SNAP91: variants seen among roughly 807,000 people sequenced by gnomAD.
SNAP91 encodes the protein synaptosome associated protein 91, also known as clathrin coat assembly protein AP180.
Under a neutral mutation model 100.3 loss-of-function variants are expected in SNAP91, and 27 were observed. The observed-to-expected ratio is 0.27, with a 90% CI of 0.20 to 0.37. SNAP91 has a LOEUF of 0.37. Among genes scored for constraint, SNAP91 ranks in the 10% least tolerant of loss-of-function variants. The pLI is 1.00. For missense variants in SNAP91, 986 were observed against 1,123.7 expected (o/e 0.88, Z 1.75); for synonymous variants, 404 against 398.6 (o/e 1.01, Z -0.16).
At chr6:83,664,842 A>G (rs556523154) in intron 3 of SNAP91, among the ~76,000 whole-genome samples, 3 of 152,248 alleles carry the variant, frequency 2.0e-5, no homozygotes, top group South Asian at 2.1e-4. Flanking sequence ...TAAAAGGAAG[A>G]GTCAATTGAT....
chr6:83,593,464 T>C lies in SNAP91; in HGVS notation c.1696+14A>G, dbSNP rs1402291941. The stretch of plus-strand genomic sequence containing the variant: ...CTAGACGGAAAGAGGTCGACAACAA[T>C]AACAAAAAATTACCACCAAAGATAT... On this transcript the variant is annotated intron_variant, in intron 18 of 29. Coordinates refer to ENST00000369694, the MANE Select transcript of SNAP91 (RefSeq NM_001242792.2). The C allele has an allele frequency of 1.3e-6, 2 of 1,548,456 alleles. No individual in the cohort carries two copies. The highest frequency in any genetic ancestry group is 2.4e-5 in the South Asian group (2 of 83,986).
intron 9 of SNAP91, among the ~76,000 whole-genome samples, chr6:83,618,550 C>A (rs944893719): frequency 6.6e-6 from 1 of 151,354 alleles, no homozygotes; most frequent in Non-Finnish European, 1.5e-5. Context: ...GTTATAGATA[C>A]CAGATTATAA....
At chr6:83,619,649 G>A (rs896357085) in intron 9 of SNAP91, among the ~76,000 whole-genome samples, 2 of 152,106 alleles carry the variant, frequency 1.3e-5, no homozygotes, top group Non-Finnish European at 2.9e-5. Flanking sequence ...TCTTTAAAAG[G>A]AGACCCTTCT....
intron 2 of SNAP91, among the ~76,000 whole-genome samples, chr6:83,705,295 A>AT (rs1254849926): frequency 6.6e-6 from 1 of 152,100 alleles, no homozygotes; most frequent in Non-Finnish European, 1.5e-5. Context: ...TTTTCATTCA[A>AT]TTTTTTCATG....
intron 2 of SNAP91, among the ~76,000 whole-genome samples, chr6:83,702,979 G>A (rs2099332457): frequency 6.6e-6 from 1 of 151,966 alleles, no homozygotes. Context: ...GAGCATCTTC[G>A]AGAATGTCAC....
intron 12 of SNAP91, among the ~76,000 whole-genome samples, chr6:83,609,782 C>A (rs2128301148): frequency 1.3e-5 from 2 of 152,206 alleles, no homozygotes; most frequent in East Asian, 3.9e-4. Flanking sequence ...TGGAAAGACA[C>A]CCAATTACAA....
Position 83,659,103 on chromosome 6 carries a change from A to G in SNAP91, c.453-11T>C, listed in dbSNP as rs757188551. The stretch of plus-strand genomic sequence containing the variant: ...ATTACACCATCGGCCCTACAATTAA[A>G]AAAAAAAAAAAGGTACAATTTCATT... On this transcript the variant is annotated splice_polypyrimidine_tract_variant and intron_variant, in intron 5 of 29. Transcript: ENST00000369694. 7.3e-6 allele frequency: 10 copies of G among 1,379,002 alleles called. No homozygotes were observed. In the South Asian group the frequency reaches 1.3e-4, roughly 18 times the overall value. 85.4% of individuals were successfully genotyped at this position (1,379,002 alleles called of 1,614,324 possible).
Position 83,601,658 on chromosome 6 carries a change from C to A in SNAP91, c.1142-59G>T. On this transcript the variant is annotated intron_variant, in intron 14 of 29. Transcript: ENST00000369694. ...AAATAAGAGCTAAAGTTGAAACATG[C>A]AACCATACCAATGTCCAAGCCAGAT... 5.2e-6 allele frequency: 8 copies of A among 1,530,040 alleles called. No individual in the cohort carries two copies. In the South Asian group the frequency reaches 9.0e-5, roughly 17 times the overall value. 94.8% of individuals were successfully genotyped at this position (1,530,040 alleles called of 1,614,324 possible).
chr6:83,684,223 T>C (rs217291), intron 2 of SNAP91, among the ~76,000 whole-genome samples: 59,101 of 151,880 alleles, frequency 0.39, 11,905 homozygotes, highest in South Asian at 0.5. Flanking sequence ...TTAAATACCA[T>C]CATTGAAAAA....
At chr6:83,606,033 C>T (rs1331971420) in intron 13 of SNAP91, among the ~76,000 whole-genome samples, 1 of 152,158 alleles carries the variant, frequency 6.6e-6, no homozygotes, top group African/African-American at 2.4e-5. Flanking sequence ...TGGTCTCTAT[C>T]ATTACTTGAC....
intron 14 of SNAP91, 23 bp downstream of exon 14, chr6:83,605,662 C>A: frequency 6.5e-7 from 1 of 1,550,172 alleles, no homozygotes; most frequent in Non-Finnish European, 8.7e-7. Context: ...AGAGAAATGG[C>A]AAGGTTGTCT....
chr6:83,629,214 G>C (rs907663237), intron 8 of SNAP91, among the ~76,000 whole-genome samples: 6 of 152,014 alleles, frequency 3.9e-5, no homozygotes, highest in African/African-American at 1.4e-4. Flanking sequence ...CTGTTCCATT[G>C]GTCTATGTGC....
At chr6:83,570,226 A>G (rs1804421289) in intron 26 of SNAP91, among the ~76,000 whole-genome samples, 1 of 152,128 alleles carries the variant, frequency 6.6e-6, no homozygotes, top group African/African-American at 2.4e-5. Flanking sequence ...AGATTTGTGG[A>G]ACTTTGAACT....
intron 2 of SNAP91, among the ~76,000 whole-genome samples, chr6:83,670,040 G>A (rs1231978377): frequency 1.3e-5 from 2 of 151,862 alleles, no homozygotes; most frequent in African/African-American, 4.8e-5. Flanking sequence ...TCATTTTTAA[G>A]TAAACATTTA....
rs1388730177 is a variant in SNAP91, at chr6:83,659,112, A to T, written c.453-20T>A. 2 of 1,537,252 alleles carry T rather than the reference A, an allele frequency of 1.3e-6. No homozygotes were observed. Among genetic ancestry groups the T allele is most frequent in the Admixed American group, 3.9e-5 (2 of 51,274 alleles). ...TCGGCCCTACAATTAAAAAAAAAAAAAAGGTACAATTTCATTGGATATGGA... is the reference window on the plus strand; with the variant it reads ...TCGGCCCTACAATTAAAAAAAAAAATAAGGTACAATTTCATTGGATATGGA... On this transcript the variant is annotated intron_variant, in intron 5 of 29. Transcript: ENST00000369694.
In SNAP91 at chr6:83,676,784, G is replaced by A. The variant is rs115883676; in HGVS notation, c.131-11203C>T. On this transcript the variant is annotated intron_variant, in intron 2 of 29. Transcript: ENST00000369694. ...GCTATATGGAGCAAAGACTGGGTGA[G>A]GAAAGGGGAGTCAGGGAGACAAATA... is the stretch of plus-strand genomic sequence containing the variant. Among the ~76,000 whole-genome samples, 475 of 152,278 alleles carry A rather than the reference G, an allele frequency of 3.1e-3. 2 individuals carry two copies. The highest frequency in any genetic ancestry group is 0.011 in the African/African-American group (445 of 41,564).
chr6:83,656,610 G>T, intron 7 of SNAP91, 144 bp downstream of exon 7: 1 of 519,152 alleles, frequency 1.9e-6, no homozygotes, highest in Non-Finnish European at 3.4e-6. Context: ...CGTTCTGCCA[G>T]TACCACCATC....
intron 11 of SNAP91, chr6:83,611,520 C>T (rs2096070926): frequency 2.0e-5 from 9 of 449,190 alleles, no homozygotes; most frequent in South Asian, 1.3e-4. Flanking sequence ...CCTATATTCA[C>T]CGCCTTACTG....
At chr6:83,647,830 TAAAG>T (rs755697025) in intron 7 of SNAP91, among the ~76,000 whole-genome samples, 3 of 152,084 alleles carry the variant, frequency 2.0e-5, no homozygotes, top group Non-Finnish European at 4.4e-5. Flanking sequence ...AGATAACTTG[TAAAG>T]AAAGATGTAT....
Sources: allele counts gnomAD v4.1 joint callset (sites outside exome capture counted in the v4.1 genomes callset), GRCh38; gene constraint gnomAD v4.1.1; transcripts MANE v1.5; gene names NCBI Gene and HGNC (gene_info 2026-07-23, HGNC 2026-07-21).